The following GPHN variants were observed in gnomAD, a reference collection of about 807,000 sequenced individuals.
The protein encoded by GPHN is gephyrin.
GPHN carries 17 observed loss-of-function variants against 95.5 expected under a neutral mutation model. The ratio of observed to expected loss-of-function variants is 0.18; its 90% CI spans 0.12 to 0.27. GPHN has a LOEUF of 0.27. Among genes scored for constraint, GPHN ranks in the 10% least tolerant of loss-of-function variants. The pLI, the probability that GPHN is intolerant of heterozygous loss-of-function variation, is 1.00. For missense variants in GPHN, 660 were observed against 978.1 expected (o/e 0.67, Z 4.34); for synonymous variants, 320 against 322.5 (o/e 0.99, Z 0.08).
At chr14:66,720,769 G>A (rs747345788) in intron 2 of GPHN, among the ~76,000 whole-genome samples, 3 of 152,128 alleles carry the variant, frequency 2.0e-5, no homozygotes, top group East Asian at 1.9e-4. Flanking sequence ...GGAGTCCAAC[G>A]CAAGTGGATA....
chr14:67,632,506 A>T, the GPHN span, among the ~76,000 whole-genome samples: 2 of 152,098 alleles, frequency 1.3e-5, no homozygotes, highest in Non-Finnish European at 2.9e-5. Flanking sequence ...CTCATATCTT[A>T]ACACAGGAGG....
the GPHN span, among the ~76,000 whole-genome samples, chr14:67,608,176 C>CA: frequency 1.8e-4 from 28 of 151,868 alleles, no homozygotes; most frequent in Non-Finnish European, 2.4e-4. Flanking sequence ...CCCAGGATGT[C>CA]AAGGCTGCAG....
the GPHN span, chr14:67,584,199 T>C: frequency 6.7e-7 from 1 of 1,492,838 alleles, no homozygotes; most frequent in Non-Finnish European, 9.2e-7. Flanking sequence ...CATACCAATT[T>C]GCAGCCCCTA....
At chr14:66,605,009 C>T (rs902439421) in intron 1 of GPHN, among the ~76,000 whole-genome samples, 2 of 152,114 alleles carry the variant, frequency 1.3e-5, no homozygotes, top group African/African-American at 4.8e-5. Context: ...CAGCCACATC[C>T]ATGTTGCTGC....
chr14:67,484,342 C>G, the GPHN span, among the ~76,000 whole-genome samples: 1 of 152,174 alleles, frequency 6.6e-6, no homozygotes, highest in Non-Finnish European at 1.5e-5. Context: ...AGGCCCAGGC[C>G]CTTAAACACT....
At chr14:67,632,430 C>A in the GPHN span, among the ~76,000 whole-genome samples, 1 of 152,172 alleles carries the variant, frequency 6.6e-6, no homozygotes, top group Non-Finnish European at 1.5e-5. Flanking sequence ...ATGGACTGGA[C>A]AGCACCTTTG....
At chr14:66,866,263 T>C (rs2063217563) in intron 4 of GPHN, among the ~76,000 whole-genome samples, 1 of 151,500 alleles carries the variant, frequency 6.6e-6, no homozygotes, top group Non-Finnish European at 1.5e-5. Flanking sequence ...AATGAGTAAC[T>C]CTTTTTTTTA....
chr14:67,352,017 G>A, the GPHN span, among the ~76,000 whole-genome samples: 1 of 151,860 alleles, frequency 6.6e-6, no homozygotes, highest in Non-Finnish European at 1.5e-5. Context: ...AGGCACAGTG[G>A]CTAACACCTG....
chr14:67,193,840 G>C, the GPHN span, among the ~76,000 whole-genome samples: 1 of 148,898 alleles, frequency 6.7e-6, no homozygotes, highest in Non-Finnish European at 1.5e-5. Flanking sequence ...AACTATTCAG[G>C]AGGCTGAGGT....
intron 3 of GPHN, among the ~76,000 whole-genome samples, chr14:66,808,580 C>T (rs986731428): frequency 2.0e-5 from 3 of 152,156 alleles, no homozygotes; most frequent in Admixed American, 6.5e-5. Flanking sequence ...GCGAGGATTA[C>T]GAGGTCAGGA....
At chr14:67,666,970 C>G in the GPHN span, among the ~76,000 whole-genome samples, 2 of 152,158 alleles carry the variant, frequency 1.3e-5, no homozygotes, top group Non-Finnish European at 2.9e-5. Flanking sequence ...CTACAATCAA[C>G]TACAAACAGC....
chr14:66,624,340 A>G (rs908129218), intron 1 of GPHN, among the ~76,000 whole-genome samples: 3 of 152,196 alleles, frequency 2.0e-5, no homozygotes, highest in African/African-American at 7.2e-5. Context: ...GTGTTTTAGT[A>G]TAGGATCTGT....
intron 9 of GPHN, among the ~76,000 whole-genome samples, chr14:66,981,183 T>C (rs2070646553): frequency 6.6e-6 from 1 of 152,238 alleles, no homozygotes; most frequent in Non-Finnish European, 1.5e-5. Flanking sequence ...TTTATCCTTT[T>C]ATTAGTTTAG....
chr14:67,285,343 C>A, the GPHN span, among the ~76,000 whole-genome samples: 1 of 151,676 alleles, frequency 6.6e-6, no homozygotes, highest in South Asian at 2.1e-4. Context: ...TGATGCCAAT[C>A]CAGATGGAGA....
At chr14:67,056,443 T>C (rs908937922) in intron 10 of GPHN, among the ~76,000 whole-genome samples, 1 of 151,980 alleles carries the variant, frequency 6.6e-6, no homozygotes, top group Non-Finnish European at 1.5e-5. Flanking sequence ...GTGTTTATAA[T>C]CCTTTAGCTA....
the GPHN span, among the ~76,000 whole-genome samples, chr14:67,479,299 G>A: frequency 4.6e-5 from 7 of 151,844 alleles, no homozygotes; most frequent in Non-Finnish European, 7.4e-5. Flanking sequence ...CCAGCTACTC[G>A]GGAGGCTGAG....
intron 2 of GPHN, among the ~76,000 whole-genome samples, chr14:66,683,425 TTC>T (rs2067125992): frequency 1.0e-5 from 1 of 97,108 alleles, no homozygotes; most frequent in African/African-American, 3.8e-5. Flanking sequence ...TATATATATA[TTC>T]ATATTCTTGT....
At chr14:67,524,169 T>C in the GPHN span, among the ~76,000 whole-genome samples, 1 of 152,182 alleles carries the variant, frequency 6.6e-6, no homozygotes, top group Non-Finnish European at 1.5e-5. Context: ...AAATCTCATA[T>C]GTTCCCCAAG....
the GPHN span, among the ~76,000 whole-genome samples, chr14:67,733,133 T>A: frequency 1.3e-5 from 2 of 150,968 alleles, no homozygotes; most frequent in Admixed American, 6.6e-5. Context: ...ATAATAAAAT[T>A]AAAAAAAACA....
Sources: gnomAD v4.1 joint callset for allele counts (sites outside exome capture counted in the v4.1 genomes callset) on GRCh38, gnomAD v4.1.1 for gene constraint, MANE v1.5 for transcripts, NCBI Gene and HGNC (gene_info 2026-07-23, HGNC 2026-07-21) for gene names.